The following MLH3 variants were observed in gnomAD, a reference collection of about 807,000 sequenced individuals.
MLH3 encodes mutL homolog 3.
A neutral mutation model predicts 122.2 loss-of-function variants in MLH3; 82 were observed. That is an observed-to-expected ratio of 0.67 (90% CI 0.56 to 0.81). MLH3 has a LOEUF of 0.81. MLH3 is among the 30% of genes least tolerant of loss of function. The pLI, the probability that MLH3 is intolerant of heterozygous loss-of-function variation, is 0.00. For missense variants in MLH3, 1,539 were observed against 1,714.5 expected, an observed-to-expected ratio of 0.90 and a Z score of 1.81; for synonymous variants, 524 against 599.5, an observed-to-expected ratio of 0.87 and a Z score of 1.84.
intron 6 of MLH3, among the ~76,000 whole-genome samples, chr14:75,035,206 G>T (rs1891321508): frequency 6.7e-6 from 1 of 149,904 alleles, no homozygotes; most frequent in African/African-American, 2.5e-5. Context: ...AAACAACAAA[G>T]AATTCCAGAT....
At chr14:75,043,634 C>CT (rs1389618695) in intron 2 of MLH3, among the ~76,000 whole-genome samples, 1 of 152,074 alleles carries the variant, frequency 6.6e-6, no homozygotes, top group African/African-American at 2.4e-5. Context: ...TGGACTAAAC[C>CT]TGGAGAGGTT....
At position 75,017,102 on chromosome 14, in the gene MLH3, G is replaced by C. The variant is rs1184173977; in HGVS notation, c.4342C>G (p.Pro1448Ala). The change falls in exon 13 of 13, where the codon CCT becomes GCT. Residue 1448 changes from proline to alanine, a missense_variant. Coordinates refer to ENST00000355774, the MANE Select transcript of MLH3 (RefSeq NM_001040108.2). ...DTRQSLQQSM[P>A]PCEPP ...TGTTCTCATGGTGGCTCACAGGGAGGCATGGATTGCTGCAGGCTCTGCCTT... is the reference window on the plus strand; with the variant it reads ...TGTTCTCATGGTGGCTCACAGGGAGCCATGGATTGCTGCAGGCTCTGCCTT... 4 of 1,613,384 alleles carry C rather than the reference G, an allele frequency of 2.5e-6. No homozygotes were observed. The African/African-American group carries it at 5.4e-5, about 22-fold the overall frequency.
rs1408610756 is a variant in MLH3 at position 75,015,715 on chromosome 14, C to G, written c.*1367G>C. ...TCAGGATTCCAATTACGTAAATCTA[C>G]AAGGATCCCCTTGAAAACAAGTGAA... On this transcript the variant is annotated 3_prime_UTR_variant, in exon 13 of 13. Transcript: ENST00000355774. The G allele has an allele frequency of 4.7e-6, 1 of 214,578 alleles. No homozygotes were observed. The highest frequency in any genetic ancestry group is 9.3e-6 in the Non-Finnish European group (1 of 107,956). The allele number at this position is 214,578 out of a possible 1,614,324, so 13.3% of individuals were successfully genotyped here. A position where few individuals can be genotyped will look rare whatever the true frequency, so the allele number is the denominator to read the frequency against.
chr14:75,017,393 T>C (rs1889959982), intron 12 of MLH3, among the ~76,000 whole-genome samples, 192 bp from the exon 13 acceptor site: 1 of 151,994 alleles, frequency 6.6e-6, no homozygotes, highest in Admixed American at 6.6e-5. Context: ...AAAAAAAAAT[T>C]AGCCGGGTGT....
At chr14:75,036,523 T>G (rs1891423508) in intron 6 of MLH3, 3 of 369,748 alleles carry the variant, frequency 8.1e-6, no homozygotes, top group Non-Finnish European at 1.6e-5. Context: ...TTTTGTATTT[T>G]TAGTAGAGAC....
chr14:75,031,389 G>A (rs1299318535), intron 8 of MLH3, among the ~76,000 whole-genome samples: 5 of 152,182 alleles, frequency 3.3e-5, no homozygotes, highest in African/African-American at 1.2e-4. Context: ...ACCAATTACT[G>A]CAGAAACTTT....
rs1283811752 is a variant in MLH3 at position 75,016,029 on chromosome 14, A to G, written c.*1053T>C. The G allele has an allele frequency of 4.3e-6, 1 of 230,204 alleles. No individual in the cohort carries two copies. The highest frequency in any genetic ancestry group is 5.7e-5 in the Admixed American group (1 of 17,688). 14.3% of individuals were successfully genotyped at this position (230,204 alleles called of 1,614,324 possible). ...TGGCTTTTTGCATTTTTTTTCTACT[A>G]TGCAATTTTAGTCTGTTGAGTCCTA... On this transcript the variant is annotated 3_prime_UTR_variant, in exon 13 of 13. Transcript: ENST00000355774.
intron 6 of MLH3, among the ~76,000 whole-genome samples, chr14:75,034,116 C>T (rs1891229072): frequency 6.6e-6 from 1 of 151,826 alleles, no homozygotes; most frequent in Non-Finnish European, 1.5e-5. Flanking sequence ...TCGCTTGAAC[C>T]CAGGAGGTGT....
At chr14:75,039,021 C>G (rs1891620247) in intron 5 of MLH3, among the ~76,000 whole-genome samples, 1 of 151,938 alleles carries the variant, frequency 6.6e-6, no homozygotes, top group African/African-American at 2.4e-5. Context: ...CCACGCCCAG[C>G]TAATTTTTTG....
Position 75,046,445 on chromosome 14 carries a change from T to A in MLH3, c.3211A>T (p.Thr1071Ser), listed in dbSNP as rs1595082664. 2 of 1,614,170 alleles carry A rather than the reference T, an allele frequency of 1.2e-6. No homozygotes were observed. The highest frequency in any genetic ancestry group is 1.7e-6 in the Non-Finnish European group (2 of 1,180,008). ...GTACAAGCAGCCTGAATGTCCTCAG[T>A]TGGGGCAATGAATGTGCTGAGTCCA... ...MTGLSTFIAP[T>S]EDIQAACTKD... is the part of the protein sequence containing the mutation. The change falls in exon 2 of 13, where the codon ACT becomes TCT. Residue 1071 changes from threonine (T) to serine (S), a missense_variant. Transcript: ENST00000355774.
chr14:75,046,631 C>A lies in MLH3; in HGVS notation c.3025G>T (p.Val1009Leu). 1.9e-6 allele frequency: 3 copies of A among 1,614,218 alleles called. No individual in the cohort carries two copies. The South Asian group carries it at 3.3e-5, about 18-fold the overall frequency. ...DSPSGMLMNP[V>L]EDATGDQNGI... ...TTTTGGTCACCTGTGGCATCTTCTA[C>A]CGGATTCATTAACATTCCACTGGGA... The change falls in exon 2 of 13, where the codon GTA becomes TTA. Residue 1009 changes from valine to leucine, a missense_variant. Val to Leu is a conservative substitution (Grantham distance 32). Transcript: ENST00000355774.
Position 75,048,089 on chromosome 14 carries a change from G to T in MLH3, c.1567C>A (p.Gln523Lys), listed in dbSNP as rs759903303. 3 of 1,614,102 alleles carry T rather than the reference G, an allele frequency of 1.9e-6. No individual in the cohort carries two copies. Among genetic ancestry groups the T allele is most frequent in the Non-Finnish European group, 2.5e-6 (3 of 1,180,018 alleles). The change falls in exon 2 of 13, where the codon CAG becomes AAG. Residue 523 changes from glutamine to lysine, a missense_variant. Transcript: ENST00000355774. ...QTPCHFEESG[Q>K]DLEIWKESTT... is the part of the protein sequence containing the mutation. ...CTTTCTTTCCATATTTCTAGATCCT[G>T]CCCACTCTCCTCAAAGTGACATGGT...
rs148095325 is a variant in MLH3 at position 75,049,262 on chromosome 14, C to T, written c.394G>A (p.Ala132Thr). The change falls in exon 2 of 13, where the codon GCT (alanine) becomes ACT (threonine). Residue 132 changes from alanine (A) to threonine (T), a missense_variant. Coordinates refer to ENST00000355774, the MANE Select transcript of MLH3 (RefSeq NM_001040108.2). ...KLFQSGKALK[A>T]CEADVTRASA... is the part of the protein sequence containing the mutation. ...GCTCTAGTCACATCAGCTTCACAAG[C>T]TTTCAGGGCTTTTCCACTCTGAAAC... 1.8e-4 allele frequency: 288 copies of T among 1,614,224 alleles called. 1 individual carries two copies. In the African/African-American group the frequency reaches 3.2e-3, roughly 18 times the overall value.
In MLH3 at chr14:75,048,503, C is replaced by G. The variant is rs201389281; in HGVS notation, c.1153G>C (p.Asp385His). The G allele has an allele frequency of 8.5e-5, 137 of 1,613,058 alleles. No homozygotes were observed. The highest frequency in any genetic ancestry group is 1.6e-4 in the Middle Eastern group (1 of 6,084). The change falls in exon 2 of 13, where the codon GAT becomes CAT. Residue 385 changes from aspartate (D) to histidine (H), a missense_variant. Coordinates refer to ENST00000355774, the MANE Select transcript of MLH3 (RefSeq NM_001040108.2). Reference sequence around the variant, plus strand: ...GCTTCCTGGAAATTGCTCCTCTCATCGGAAGTCACACGCTTCTGAAGAGTA... The same window carrying G: ...GCTTCCTGGAAATTGCTCCTCTCATGGGAAGTCACACGCTTCTGAAGAGTA... ...DATLQKRVTS[D>H]ERSNFQEACN...
rs1890967109 is a variant in MLH3, at chr14:75,030,447, A to G, written c.3987+96T>C. ...CACACCGCAGGTAAATACCATGAAT[A>G]CTTGTTGAAGAAAAGATGAATTCAG... On this transcript the variant is annotated intron_variant, in intron 9 of 12. Coordinates refer to ENST00000355774, the MANE Select transcript of MLH3 (RefSeq NM_001040108.2). 4 of 1,248,180 alleles carry G rather than the reference A, an allele frequency of 3.2e-6. No individual in the cohort carries two copies. In the Admixed American group the frequency reaches 6.7e-5, roughly 21 times the overall value. 77.3% of individuals were successfully genotyped at this position (1,248,180 alleles called of 1,614,324 possible).
In MLH3 at chr14:75,039,846, C is replaced by CATAT. The variant is rs145063005; in HGVS notation, c.3570+61_3570+64dup. 6.9e-3 allele frequency: 2,206 copies of CATAT among 320,514 alleles called. 54 individuals carry two copies. The highest frequency in any genetic ancestry group is 0.034 in the African/African-American group (940 of 28,046). 19.9% of individuals were successfully genotyped at this position (320,514 alleles called of 1,614,324 possible). ...AAATCAAATTTTAGAAGAGTTAGGCCATATATATATATATATATATATATA... is the reference window on the plus strand; with the variant it reads ...AAATCAAATTTTAGAAGAGTTAGGCCATATATATATATATATATATATATATATA... On this transcript the variant is annotated intron_variant, in intron 5 of 12. Transcript: ENST00000355774.
intron 6 of MLH3, among the ~76,000 whole-genome samples, chr14:75,037,741 CCAG>C (rs1891517184): frequency 6.6e-6 from 1 of 151,822 alleles, no homozygotes; most frequent in Non-Finnish European, 1.5e-5. Context: ...TAGCTTAAGC[CCAG>C]GAGTTCGAGA....
chr14:75,045,480 C>A (rs1358238064), intron 2 of MLH3, among the ~76,000 whole-genome samples: 4 of 152,156 alleles, frequency 2.6e-5, no homozygotes, highest in African/African-American at 9.7e-5. Context: ...TTTGAAAATT[C>A]ATGGACAAGT....
chr14:75,030,728 A>C, intron 8 of MLH3, 26 bp from the exon 9 acceptor site: 4 of 1,604,308 alleles, frequency 2.5e-6, no homozygotes, highest in Non-Finnish European at 3.4e-6. Flanking sequence ...CAAATGTTAA[A>C]AAAAAAAAGA....
Sources: allele counts gnomAD v4.1 joint callset (sites outside exome capture counted in the v4.1 genomes callset), GRCh38; gene constraint gnomAD v4.1.1; transcripts MANE v1.5; gene names NCBI Gene and HGNC (gene_info 2026-07-23, HGNC 2026-07-21).